The following FLRT2 variants were observed in gnomAD, a reference collection of about 807,000 sequenced individuals.
The protein encoded by FLRT2 is leucine-rich repeat transmembrane protein FLRT2.
Under a neutral mutation model 40.0 loss-of-function variants are expected in FLRT2, and 15 were observed. That is an observed-to-expected ratio of 0.38 (90% CI 0.25 to 0.58). The LOEUF is 0.58. Ranked by LOEUF, FLRT2 falls within the 20% of genes least tolerant of loss-of-function variation. FLRT2 has a pLI of 0.71. For missense variants in FLRT2, 726 were observed against 840.0 expected (o/e 0.86, Z 1.68); for synonymous variants, 380 against 336.8 (o/e 1.13, Z -1.41).
chr14:85,596,653 A>T (rs555906103), intron 1 of FLRT2, among the ~76,000 whole-genome samples: 74 of 151,706 alleles, frequency 4.9e-4, no homozygotes, highest in African/African-American at 1.3e-3. Flanking sequence ...AGACTTTTTT[A>T]AAAAAAACAT....
Position 85,622,085 on chromosome 14 carries a change from C to A in FLRT2, c.571C>A (p.Arg191=), listed in dbSNP as rs1181259267. ...DLQELRVDEN[R]IAVISDMAFQ... is the part of the protein sequence containing the mutation. ...GCAAGAGCTGAGAGTGGATGAAAAT[C>A]GAATTGCTGTCATATCCGACATGGC... Residue 191 remains arginine (R), a synonymous_variant, in exon 2 of 2, where the codon CGA becomes AGA. Coordinates refer to ENST00000330753, the MANE Select transcript of FLRT2 (RefSeq NM_013231.6). The A allele has an allele frequency of 1.2e-6, 2 of 1,614,038 alleles. No homozygotes were observed. The highest frequency in any genetic ancestry group is 1.7e-6 in the Non-Finnish European group (2 of 1,179,998).
rs1894182813 is a variant in FLRT2 at position 85,642,777 on chromosome 14, A to G, written c.*19280A>G. On this transcript the variant is annotated 3_prime_UTR_variant, in exon 2 of 2. Coordinates refer to ENST00000330753, the MANE Select transcript of FLRT2 (RefSeq NM_013231.6). ...TTGCTTTCTGGATTGGTTGACTGAA[A>G]TCTGGACTCAATGGTGAGTCACACT... 1 of 152,194 alleles carries G rather than the reference A, an allele frequency of 6.6e-6. No homozygotes were observed. The highest frequency in any genetic ancestry group is 1.5e-5 in the Non-Finnish European group (1 of 68,050). The allele number at this position is 152,194 out of a possible 1,614,324, so 9.4% of individuals were successfully genotyped here. A position where few individuals can be genotyped will look rare whatever the true frequency, so the allele number is the denominator to read the frequency against.
chr14:85,569,586 A>T (rs1333229831), intron 1 of FLRT2, among the ~76,000 whole-genome samples: 5 of 152,222 alleles, frequency 3.3e-5, no homozygotes, highest in Non-Finnish European at 5.9e-5. Context: ...TGTACTTTAG[A>T]GTTCTCATAA....
At chr14:85,577,934 C>T (rs1405356395) in intron 1 of FLRT2, among the ~76,000 whole-genome samples, 2 of 151,368 alleles carry the variant, frequency 1.3e-5, no homozygotes, top group Non-Finnish European at 1.5e-5. Flanking sequence ...GCGAGAAGGT[C>T]GTGAGCAGAC....
chr14:85,579,527 C>G (rs1891292477), intron 1 of FLRT2, among the ~76,000 whole-genome samples: 1 of 152,020 alleles, frequency 6.6e-6, no homozygotes, highest in Non-Finnish European at 1.5e-5. Flanking sequence ...ATAAATGAAT[C>G]CTGTTGTCCT....
At chr14:85,576,866 G>C (rs895673755) in intron 1 of FLRT2, among the ~76,000 whole-genome samples, 1 of 152,214 alleles carries the variant, frequency 6.6e-6, no homozygotes, top group Non-Finnish European at 1.5e-5. Context: ...CAGAAATTCT[G>C]CTGGCAGACC....
In FLRT2 at chr14:85,629,094, G is replaced by A. The variant is rs555509175; in HGVS notation, c.*5597G>A. The A allele has an allele frequency of 4.6e-5, 7 of 152,226 alleles. No individual in the cohort carries two copies. The South Asian group carries it at 8.3e-4, about 18-fold the overall frequency. 9.4% of individuals were successfully genotyped at this position (152,226 alleles called of 1,614,324 possible). ...CGGGGATTCAGAGAAAAGTGTCTGT[G>A]AGCCATTAAGAAACTCACAGATCAG... On this transcript the variant is annotated 3_prime_UTR_variant, in exon 2 of 2. Coordinates refer to ENST00000330753, the MANE Select transcript of FLRT2 (RefSeq NM_013231.6).
chr14:85,600,514 C>G (rs570418726), intron 1 of FLRT2, among the ~76,000 whole-genome samples: 1 of 152,238 alleles, frequency 6.6e-6, no homozygotes, highest in South Asian at 2.1e-4. Context: ...AAGACTCTGA[C>G]AGGACATCAG....
In FLRT2 at chr14:85,642,017, A is replaced by G. The variant is rs1305268477; in HGVS notation, c.*18520A>G. ...GTAGGCTGAAGCATGTATAGAAAGA[A>G]AACAACAAATTCAGAGTTTTAAATA... On this transcript the variant is annotated 3_prime_UTR_variant, in exon 2 of 2. Transcript: ENST00000330753. The G allele has an allele frequency of 6.6e-6, 1 of 152,124 alleles. No homozygotes were observed. Among genetic ancestry groups the G allele is most frequent in the Non-Finnish European group, 1.5e-5 (1 of 68,028 alleles). 9.4% of individuals were successfully genotyped at this position (152,124 alleles called of 1,614,324 possible).
chr14:85,605,012 G>C (rs2753627), intron 1 of FLRT2, among the ~76,000 whole-genome samples: 1 of 152,060 alleles, frequency 6.6e-6, no homozygotes, highest in African/African-American at 2.4e-5. Context: ...CCCTTTTGGG[G>C]CCTAACTGCA....
At chr14:85,563,701 C>A (rs968646131) in intron 1 of FLRT2, among the ~76,000 whole-genome samples, 6 of 152,152 alleles carry the variant, frequency 3.9e-5, no homozygotes, top group African/African-American at 1.2e-4. Flanking sequence ...GATTACAATT[C>A]AACATGAGAT....
At position 85,643,354 on chromosome 14, in the gene FLRT2, T is replaced by TCTTTCTTTCTTTCTTCCTTC. The variant is rs1555373579; in HGVS notation, c.*19860_*19861insTCTTTCTTTCTTCCTTCCTT. The stretch of plus-strand genomic sequence containing the variant: ...TTCTTTCTTTCTTTCTTTCTTTCTT[T>TCTTTCTTTCTTTCTTCCTTC]CTTCCTTCCTTCCTTCCTTCCTTTC... On this transcript the variant is annotated 3_prime_UTR_variant, in exon 2 of 2. Coordinates refer to ENST00000330753, the MANE Select transcript of FLRT2 (RefSeq NM_013231.6). 5 of 46,042 alleles carry TCTTTCTTTCTTTCTTCCTTC rather than the reference T, an allele frequency of 1.1e-4. No individual in the cohort carries two copies. Among genetic ancestry groups the TCTTTCTTTCTTTCTTCCTTC allele is most frequent in the Non-Finnish European group, 8.7e-5 (2 of 23,068 alleles). The allele number at this position is 46,042 out of a possible 1,614,324, so 2.9% of individuals were successfully genotyped here. A position where few individuals can be genotyped will look rare whatever the true frequency, so the allele number is the denominator to read the frequency against.
Position 85,631,112 on chromosome 14 carries a change from T to TTTTATATATATA in FLRT2, c.*7616_*7617insTTATATATATAT, listed in dbSNP as rs1555372972. The TTTTATATATATA allele has an allele frequency of 3.3e-5, 3 of 91,886 alleles. No homozygotes were observed. The highest frequency in any genetic ancestry group is 1.8e-4 in the African/African-American group (3 of 16,796). The allele number at this position is 91,886 out of a possible 1,614,324, so 5.7% of individuals were successfully genotyped here. On this transcript the variant is annotated 3_prime_UTR_variant, in exon 2 of 2. Transcript: ENST00000330753. ...TATAATTACATATATAATCTAGATTTTATATATATATATATATGAAATGAG... is the reference window on the plus strand; with the variant it reads ...TATAATTACATATATAATCTAGATTTTTTATATATATATATATATATATATATATGAAATGAG...
intron 1 of FLRT2, among the ~76,000 whole-genome samples, chr14:85,610,227 A>G (rs74696541): frequency 3.4e-5 from 5 of 149,068 alleles, no homozygotes; most frequent in Admixed American, 1.3e-4. Flanking sequence ...AGACAGGTGG[A>G]AAAAAAAAAG....
At chr14:85,604,019 G>A (rs1892502956) in intron 1 of FLRT2, among the ~76,000 whole-genome samples, 1 of 152,146 alleles carries the variant, frequency 6.6e-6, no homozygotes, top group Admixed American at 6.5e-5. Flanking sequence ...GCCCATTTCT[G>A]TTGCTTTCTT....
rs1481082496 is a variant in FLRT2 at position 85,630,215 on chromosome 14, G to GT, written c.*6723dup. ...TCTACTGAAAGTTAAGGATACAAAA[G>GT]TTTTTAATGGTAATAACCCAAACTA... is the stretch of plus-strand genomic sequence containing the variant. On this transcript the variant is annotated 3_prime_UTR_variant, in exon 2 of 2. Transcript: ENST00000330753. 3.5e-5 allele frequency: 5 copies of GT among 143,358 alleles called. No individual in the cohort carries two copies. The highest frequency in any genetic ancestry group is 7.6e-5 in the Non-Finnish European group (5 of 65,918). 8.9% of individuals were successfully genotyped at this position (143,358 alleles called of 1,614,324 possible).
chr14:85,548,166 C>T (rs973798843), intron 1 of FLRT2, among the ~76,000 whole-genome samples: 4 of 152,162 alleles, frequency 2.6e-5, no homozygotes, highest in Non-Finnish European at 5.9e-5. Flanking sequence ...AGGTGTGTGG[C>T]CTCAACCTAC....
chr14:85,591,329 T>C (rs1256853886), intron 1 of FLRT2, among the ~76,000 whole-genome samples: 2 of 152,146 alleles, frequency 1.3e-5, no homozygotes, highest in African/African-American at 4.8e-5. Flanking sequence ...TCTCAAGCCT[T>C]GGAGTCACTG....
At chr14:85,531,736 G>A (rs970331849) in intron 1 of FLRT2, among the ~76,000 whole-genome samples, 1 of 152,152 alleles carries the variant, frequency 6.6e-6, no homozygotes, top group Admixed American at 6.5e-5. Flanking sequence ...CTCCTCCCCG[G>A]GATACGTATT....
Sources: allele counts gnomAD v4.1 joint callset (sites outside exome capture counted in the v4.1 genomes callset), GRCh38; gene constraint gnomAD v4.1.1; transcripts MANE v1.5; gene names NCBI Gene and HGNC (gene_info 2026-07-23, HGNC 2026-07-21).